The following KPNA1 variants were observed in gnomAD, a reference collection of about 807,000 sequenced individuals.
KPNA1 encodes karyopherin subunit alpha 1.
Under a neutral mutation model 70.5 loss-of-function variants are expected in KPNA1, and 10 were observed. The ratio of observed to expected loss-of-function variants is 0.14; its 90% CI spans 0.09 to 0.24. The LOEUF (loss-of-function observed/expected upper bound fraction) is 0.24, where lower values mean the gene tolerates loss of function less well. Ranked by LOEUF, KPNA1 falls within the 10% of genes least tolerant of loss-of-function variation. The pLI is 1.00. For synonymous variants in KPNA1, 192 were observed against 221.9 expected (o/e 0.87, Z 1.20); for missense variants, 397 against 637.9 (o/e 0.62, Z 4.07).
At chr3:122,489,653 C>A (rs1296468174) in intron 2 of KPNA1, among the ~76,000 whole-genome samples, 3 of 152,184 alleles carry the variant, frequency 2.0e-5, no homozygotes, top group South Asian at 2.1e-4. Context: ...TATTTTATTA[C>A]CTGATAACTC....
At chr3:122,456,118 T>C (rs2076262464) in intron 5 of KPNA1, among the ~76,000 whole-genome samples, 1 of 152,200 alleles carries the variant, frequency 6.6e-6, no homozygotes, top group East Asian at 1.9e-4. Context: ...TGCTTGTAGT[T>C]TGGATATCTA....
Position 122,426,144 on chromosome 3 carries a change from C to T in KPNA1, c.*841G>A, listed in dbSNP as rs542569565. On this transcript the variant is annotated 3_prime_UTR_variant, in exon 14 of 14. Coordinates refer to ENST00000344337, the MANE Select transcript of KPNA1 (RefSeq NM_002264.4). ...TTATTAAATTACAGGATATGGTTTT[C>T]GATTACTAAGTATTCGAAATCCTCA... 3 of 152,224 alleles carry T rather than the reference C, an allele frequency of 2.0e-5. No homozygotes were observed. Among genetic ancestry groups the T allele is most frequent in the Non-Finnish European group, 2.9e-5 (2 of 68,002 alleles). The allele number at this position is 152,224 out of a possible 1,614,324, so 9.4% of individuals were successfully genotyped here. A position where few individuals can be genotyped will look rare whatever the true frequency, so the allele number is the denominator to read the frequency against.
intron 1 of KPNA1, among the ~76,000 whole-genome samples, chr3:122,506,662 CCT>C (rs1297425417): frequency 6.6e-6 from 1 of 152,104 alleles, no homozygotes; most frequent in Non-Finnish European, 1.5e-5. Context: ...TCATCTCTGG[CCT>C]CATCTTATAG....
At chr3:122,439,871 A>G (rs1372852055) in intron 10 of KPNA1, among the ~76,000 whole-genome samples, 1 of 152,228 alleles carries the variant, frequency 6.6e-6, no homozygotes, top group Non-Finnish European at 1.5e-5. Context: ...ATGTAACTGC[A>G]AAGTTTCATG....
intron 7 of KPNA1, 147 bp from the exon 8 acceptor site, chr3:122,451,780 G>C: frequency 1.4e-6 from 1 of 703,092 alleles, no homozygotes; most frequent in Non-Finnish European, 2.4e-6. Context: ...TCTGATGCAA[G>C]TAATTCAGAA....
chr3:122,454,026 T>C (rs768033768), intron 5 of KPNA1, 25 bp from the exon 6 acceptor site: 5 of 1,489,620 alleles, frequency 3.4e-6, no homozygotes, highest in Admixed American at 2.1e-5. Flanking sequence ...ATAATTTTCA[T>C]TATCTTTTTA....
chr3:122,450,801 T>C (rs6438730), intron 8 of KPNA1, among the ~76,000 whole-genome samples: 34,085 of 152,112 alleles, frequency 0.22, 4,232 homozygotes, highest in Non-Finnish European at 0.27. Context: ...GATACTTGTA[T>C]ACGCAGGTTT....
At chr3:122,430,515 AGTGT>A (rs10662409) in intron 12 of KPNA1, among the ~76,000 whole-genome samples, 85 of 141,460 alleles carry the variant, frequency 6.0e-4, no homozygotes, top group Admixed American at 8.5e-4. Context: ...CTGTACTACC[AGTGT>A]GTGTGTGTGT....
At position 122,426,898 on chromosome 3, in the gene KPNA1, G is replaced by A; in HGVS notation, c.*87C>T. On this transcript the variant is annotated 3_prime_UTR_variant, in exon 14 of 14. Coordinates refer to ENST00000344337, the MANE Select transcript of KPNA1 (RefSeq NM_002264.4). ...CAGTATTATGGAAAACATTTGAGAA[G>A]TTAGCTCCATGAGGACTGTGGGCTC... is the stretch of plus-strand genomic sequence containing the variant. The A allele has an allele frequency of 1.9e-6, 2 of 1,047,796 alleles. No homozygotes were observed. The highest frequency in any genetic ancestry group is 2.8e-6 in the Non-Finnish European group (2 of 705,650). 64.9% of individuals were successfully genotyped at this position (1,047,796 alleles called of 1,614,324 possible).
chr3:122,476,729 G>A (rs930404502), intron 2 of KPNA1, among the ~76,000 whole-genome samples: 1 of 151,840 alleles, frequency 6.6e-6, no homozygotes, highest in Admixed American at 6.6e-5. Flanking sequence ...CCTCATACCT[G>A]TTAGAATGAC....
In KPNA1 at chr3:122,488,093, C is replaced by T. The variant is rs530568950; in HGVS notation, c.129+8344G>A. ...TGATAACACTATTCTGAATGACCTT[C>T]CAGCTAATAAAAGCAGAAGAAATGA... On this transcript the variant is annotated intron_variant, in intron 2 of 13. Transcript: ENST00000344337. Among the ~76,000 whole-genome samples, 5 of 152,188 alleles carry T rather than the reference C, an allele frequency of 3.3e-5. No homozygotes were observed. In the South Asian group the frequency reaches 8.3e-4, roughly 25 times the overall value.
chr3:122,430,515 AGTGTGTGTGTGTGTGTGT>A (rs10662409), intron 12 of KPNA1, among the ~76,000 whole-genome samples: 1 of 141,382 alleles, frequency 7.1e-6, no homozygotes, highest in African/African-American at 2.6e-5. Context: ...CTGTACTACC[AGTGTGTGTGTGTGTGTGT>A]GTGTGTGTGT....
intron 5 of KPNA1, chr3:122,459,721 T>C (rs768237939): frequency 3.0e-6 from 3 of 985,350 alleles, no homozygotes; most frequent in South Asian, 9.4e-5. Flanking sequence ...GCATGGGAAC[T>C]GGTAAGTGTC....
intron 1 of KPNA1, among the ~76,000 whole-genome samples, chr3:122,508,778 A>G (rs1342699084): frequency 6.6e-6 from 1 of 152,162 alleles, no homozygotes; most frequent in Non-Finnish European, 1.5e-5. Context: ...AGAGCTTCCA[A>G]TTCAGTTTTT....
intron 12 of KPNA1, among the ~76,000 whole-genome samples, chr3:122,428,776 C>T (rs542478551): frequency 6.6e-6 from 1 of 152,318 alleles, no homozygotes; most frequent in African/African-American, 2.4e-5. Context: ...GGGTTTCACA[C>T]TGGTGAATTC....
At chr3:122,454,866 C>T (rs78702546) in intron 5 of KPNA1, among the ~76,000 whole-genome samples, 1 of 152,098 alleles carries the variant, frequency 6.6e-6, no homozygotes, top group Non-Finnish European at 1.5e-5. Flanking sequence ...TTATGGCCAA[C>T]AAAAAATAGA....
At chr3:122,508,964 G>A (rs910018909) in intron 1 of KPNA1, among the ~76,000 whole-genome samples, 2 of 152,126 alleles carry the variant, frequency 1.3e-5, no homozygotes, top group African/African-American at 4.8e-5. Flanking sequence ...AAGAATGAGA[G>A]GCTGGACGCG....
At chr3:122,430,852 C>G (rs1433435424) in intron 12 of KPNA1, among the ~76,000 whole-genome samples, 1 of 152,172 alleles carries the variant, frequency 6.6e-6, no homozygotes, top group Non-Finnish European at 1.5e-5. Context: ...CAGGCCAAGT[C>G]TTCCCAATAC....
intron 2 of KPNA1, among the ~76,000 whole-genome samples, chr3:122,490,583 A>G (rs2076687071): frequency 6.6e-6 from 1 of 152,208 alleles, no homozygotes. Context: ...AGTCTTTTCA[A>G]CAAAACTCCA....
Sources: allele counts gnomAD v4.1 joint callset (sites outside exome capture counted in the v4.1 genomes callset), GRCh38; gene constraint gnomAD v4.1.1; transcripts MANE v1.5; gene names NCBI Gene and HGNC (gene_info 2026-07-23, HGNC 2026-07-21).